Variants in RETREG3 observed in about 807,000 individuals in gnomAD.
RETREG3 encodes the protein reticulophagy regulator family member 3.
RETREG3 carries 23 observed loss-of-function variants against 50.2 expected under a neutral mutation model. The ratio of observed to expected loss-of-function variants is 0.46; its 90% CI spans 0.33 to 0.65. The LOEUF is 0.65. Among genes scored for constraint, RETREG3 ranks in the 30% least tolerant of loss-of-function variants. The probability of loss-of-function intolerance (pLI) is 0.02; values close to 1 mark genes in which losing one functional copy is unlikely to be tolerated. For missense variants in RETREG3, 546 were observed against 598.0 expected (o/e 0.91, Z 0.91); for synonymous variants, 240 against 234.4 (o/e 1.02, Z -0.22).
At chr17:42,602,366 C>T (rs529159086) in intron 1 of RETREG3, among the ~76,000 whole-genome samples, 6 of 151,302 alleles carry the variant, frequency 4.0e-5, no homozygotes, top group East Asian at 3.9e-4. Flanking sequence ...GGTTTGTATA[C>T]GATAAAATTC....
Position 42,581,385 on chromosome 17 carries a change from A to C in RETREG3, c.*428T>G. ...TGTCTCAAAAAAAAAGATGATGACAATGTAACTACTCCAGCTGCTGCCTGA... is the reference window on the plus strand; with the variant it reads ...TGTCTCAAAAAAAAAGATGATGACACTGTAACTACTCCAGCTGCTGCCTGA... On this transcript the variant is annotated 3_prime_UTR_variant, in exon 9 of 9. Coordinates refer to ENST00000309428, the MANE Select transcript of RETREG3 (RefSeq NM_178126.4). 1 of 160,598 alleles carries C rather than the reference A, an allele frequency of 6.2e-6. No homozygotes were observed. The highest frequency in any genetic ancestry group is 1.4e-5 in the Non-Finnish European group (1 of 73,510). The allele number at this position is 160,598 out of a possible 1,614,324, so 9.9% of individuals were successfully genotyped here.
Position 42,586,768 on chromosome 17 carries a change from G to T in RETREG3, c.501C>A (p.Gly167=). 1 of 1,613,876 alleles carries T rather than the reference G, an allele frequency of 6.2e-7. No homozygotes were observed. The highest frequency in any genetic ancestry group is 1.1e-5 in the South Asian group (1 of 91,038). ...NVLLFKKQNP[G]KFCLLSCGIL... The stretch of plus-strand genomic sequence containing the variant: ...GTGAAAAAGGGAAGAGTCTTACCTT[G>T]CCTGGGTTTTGCTTTTTGAAAAGCA... The change falls in exon 4 of 9, where the codon GGC becomes GGA. Residue 167 remains glycine, a synonymous_variant. Transcript: ENST00000309428.
At chr17:42,600,039 A>G (rs971088787) in intron 1 of RETREG3, among the ~76,000 whole-genome samples, 1 of 151,898 alleles carries the variant, frequency 6.6e-6, no homozygotes, top group African/African-American at 2.4e-5. Flanking sequence ...AACACTAACA[A>G]ATTGGTTTGT....
intron 1 of RETREG3, among the ~76,000 whole-genome samples, chr17:42,608,176 A>G (rs1220004917): frequency 6.6e-6 from 1 of 152,230 alleles, no homozygotes; most frequent in East Asian, 1.9e-4. Context: ...ATTCAGCAGC[A>G]GAAAGCCCCC....
In RETREG3 at chr17:42,586,147, C is replaced by A. The variant is rs771763730; in HGVS notation, c.505-10G>T. On this transcript the variant is annotated splice_polypyrimidine_tract_variant and intron_variant, in intron 4 of 8. Coordinates refer to ENST00000309428, the MANE Select transcript of RETREG3 (RefSeq NM_178126.4). The stretch of plus-strand genomic sequence containing the variant: ...AGCTCAGCAAGCAGAACTGGGGAAT[C>A]AAGAAAGAGTATTAAGTTTCTGTCA... 6.2e-7 allele frequency: 1 copy of A among 1,613,674 alleles called. No individual in the cohort carries two copies. The highest frequency in any genetic ancestry group is 8.5e-7 in the Non-Finnish European group (1 of 1,179,860).
At chr17:42,585,449 C>T (rs2093119537) in intron 5 of RETREG3, among the ~76,000 whole-genome samples, 187 bp from the exon 6 acceptor site, 1 of 152,222 alleles carries the variant, frequency 6.6e-6, no homozygotes, top group Non-Finnish European at 1.5e-5. Context: ...GGGACTTCTA[C>T]AGCCACCCAC....
At chr17:42,583,915 C>T (rs1043295019) in intron 6 of RETREG3, among the ~76,000 whole-genome samples, 3 of 152,192 alleles carry the variant, frequency 2.0e-5, no homozygotes, top group African/African-American at 7.2e-5. Flanking sequence ...TCAAGCAATA[C>T]TCCTGTCTCA....
rs201763838 is a variant in RETREG3, at chr17:42,585,152, T to G, written c.700A>C (p.Met234Leu). 3.8e-5 allele frequency: 62 copies of G among 1,613,576 alleles called. No individual in the cohort carries two copies. The East Asian group carries it at 8.0e-4, about 21-fold the overall frequency. ...QRLDFSVRGYMMSKQRERQLR... is the reference protein window; with the variant it reads ...QRLDFSVRGYLMSKQRERQLR... ...TGTCTCTCTCTCTGCTTGGACATCA[T>G]GTAGCCACGGACACTGAAGTCTAGC... The change falls in exon 6 of 9, where the codon ATG (methionine) becomes CTG (leucine). Residue 234 changes from methionine to leucine, a missense_variant. Met to Leu is a conservative substitution (Grantham distance 15). Transcript: ENST00000309428.
chr17:42,599,968 T>A (rs936277083), intron 1 of RETREG3, among the ~76,000 whole-genome samples: 1 of 151,964 alleles, frequency 6.6e-6, no homozygotes, highest in Non-Finnish European at 1.5e-5. Flanking sequence ...TACCCCAGCC[T>A]GGGTGACAGA....
Position 42,592,146 on chromosome 17 carries a change from A to G in RETREG3, c.256T>C (p.Ser86Pro). Residue 86 changes from serine to proline, a missense_variant, in exon 2 of 9, where the codon TCT becomes CCT. By Grantham distance (74) the Ser-to-Pro change is moderately conservative. Coordinates refer to ENST00000309428, the MANE Select transcript of RETREG3 (RefSeq NM_178126.4). ...GCAAGTAAAAACACAAGACGAAGAG[A>G]TGTCAGGGCAAAAAACCTACAGAGG... is the stretch of plus-strand genomic sequence containing the variant. The part of the protein sequence containing the change: ...NAAFWFFALT[S>P]LRLVFLLAFG... The G allele has an allele frequency of 6.2e-7, 1 of 1,613,666 alleles. No homozygotes were observed. Among genetic ancestry groups the G allele is most frequent in the Non-Finnish European group, 8.5e-7 (1 of 1,179,894 alleles).
intron 1 of RETREG3, among the ~76,000 whole-genome samples, chr17:42,606,379 C>T (rs527877557): frequency 3.7e-4 from 56 of 152,102 alleles, no homozygotes; most frequent in African/African-American, 1.3e-3. Context: ...TCGCAGATCA[C>T]GAGGTCAGGA....
chr17:42,602,093 G>GTC (rs2143423310), intron 1 of RETREG3, among the ~76,000 whole-genome samples: 1 of 151,922 alleles, frequency 6.6e-6, no homozygotes, highest in Admixed American at 6.6e-5. Context: ...AGGCAGGTGG[G>GTC]TCACTTGAGG....
intron 1 of RETREG3, chr17:42,605,408 T>C (rs1235972724): frequency 2.0e-5 from 3 of 152,196 alleles, no homozygotes; most frequent in Non-Finnish European, 4.4e-5. Flanking sequence ...CTAATGATCC[T>C]CCTCCCTTTC....
intron 3 of RETREG3, 37 bp downstream of exon 3, chr17:42,587,796 TC>T (rs1567921850): frequency 1.2e-6 from 2 of 1,612,832 alleles, no homozygotes; most frequent in Non-Finnish European, 1.7e-6. Context: ...AGAGAATGAA[TC>T]AGAGCAACAA....
chr17:42,604,419 T>C (rs988969713), intron 1 of RETREG3, among the ~76,000 whole-genome samples: 2 of 152,004 alleles, frequency 1.3e-5, no homozygotes, highest in Admixed American at 1.3e-4. Context: ...CCTGTAATCC[T>C]AGCACTTTAG....
At chr17:42,609,409 G>A, upstream of RETREG3, 2 of 1,442,926 alleles carry the variant, frequency 1.4e-6, no homozygotes, top group Non-Finnish European at 1.9e-6. Context: ...TTCGGCGGGG[G>A]AGGTGGCTTC....
rs766200422 is a variant in RETREG3 at position 42,609,365 on chromosome 17, A to C, written c.-41T>G. The stretch of plus-strand genomic sequence containing the variant: ...ACAACATCCGGGGCCGTGGCCCGAC[A>C]AGTCACAATAACAGCAACTGCGCAG... On this transcript the variant is annotated 5_prime_UTR_variant, in exon 1 of 9. Transcript: ENST00000309428. 7 of 1,565,780 alleles carry C rather than the reference A, an allele frequency of 4.5e-6. No individual in the cohort carries two copies. In the African/African-American group the frequency reaches 9.5e-5, roughly 21 times the overall value.
chr17:42,582,943 C>G, intron 7 of RETREG3, 137 bp from the exon 8 acceptor site: 1 of 1,155,026 alleles, frequency 8.7e-7, no homozygotes, highest in Non-Finnish European at 1.2e-6. Flanking sequence ...ATGGTAACTT[C>G]CCGTTGAAAA....
At chr17:42,602,316 C>A (rs1371226214) in intron 1 of RETREG3, among the ~76,000 whole-genome samples, 55 of 142,774 alleles carry the variant, frequency 3.9e-4, no homozygotes, top group South Asian at 4.4e-4. Context: ...GACTCCGTTT[C>A]AAAAAAAAAA....
Sources: gnomAD v4.1 joint callset for allele counts (sites outside exome capture counted in the v4.1 genomes callset) on GRCh38, gnomAD v4.1.1 for gene constraint, MANE v1.5 for transcripts, NCBI Gene and HGNC (gene_info 2026-07-23, HGNC 2026-07-21) for gene names.